The following GCC2 variants were observed in gnomAD, a reference collection of about 807,000 sequenced individuals.
The protein encoded by GCC2 is GRIP and coiled-coil domain-containing protein 2.
GCC2 carries 120 observed loss-of-function variants against 210.6 expected under a neutral mutation model. The observed-to-expected ratio is 0.57, with a 90% CI of 0.49 to 0.66. GCC2 has a LOEUF of 0.66. Among genes scored for constraint, GCC2 ranks in the 30% least tolerant of loss-of-function variants. The probability of loss-of-function intolerance (pLI) is 0.00; values close to 1 mark genes in which losing one functional copy is unlikely to be tolerated. For missense variants in GCC2, 1,868 were observed against 1,871.9 expected, an observed-to-expected ratio of 1.00 and a Z score of 0.04; for synonymous variants, 703 against 652.7, an observed-to-expected ratio of 1.08 and a Z score of -1.17.
intron 7 of GCC2, among the ~76,000 whole-genome samples, chr2:108,474,250 CAT>C (rs1420719193): frequency 6.6e-6 from 1 of 152,036 alleles, no homozygotes; most frequent in South Asian, 2.1e-4. Context: ...TTCATGTAAA[CAT>C]AGAGAAGATA....
At chr2:108,489,667 A>G (rs564539488) in intron 17 of GCC2, among the ~76,000 whole-genome samples, 171 bp from the exon 18 acceptor site, 4 of 125,854 alleles carry the variant, frequency 3.2e-5, no homozygotes, top group Non-Finnish European at 7.1e-5. Context: ...AAATCTGGCT[A>G]TAATATCTTT....
At chr2:108,465,279 A>G (rs1680821291) in intron 4 of GCC2, among the ~76,000 whole-genome samples, 1 of 152,250 alleles carries the variant, frequency 6.6e-6, no homozygotes. Context: ...GGAGGAGGTA[A>G]GTAAGAGATG....
chr2:108,485,600 T>G (rs757657431), intron 13 of GCC2, 36 bp from the exon 14 acceptor site: 1 of 1,090,696 alleles, frequency 9.2e-7, no homozygotes, highest in Non-Finnish European at 1.3e-6. Flanking sequence ...TAAAAATTGT[T>G]ACATCTTTTT....
At chr2:108,484,125 A>C in intron 12 of GCC2, 24 bp from the exon 13 acceptor site, 3 of 1,526,628 alleles carry the variant, frequency 2.0e-6, no homozygotes, top group Non-Finnish European at 2.6e-6. Flanking sequence ...TATTGTGTAA[A>C]TCTTTTACTT....
In GCC2 at chr2:108,509,324, ATTC is replaced by A. The variant is rs1242269628; in HGVS notation, c.*1697_*1699del. 4 of 152,652 alleles carry A rather than the reference ATTC, an allele frequency of 2.6e-5. No individual in the cohort carries two copies. Among genetic ancestry groups the A allele is most frequent in the South Asian group, 2.1e-4 (1 of 4,826 alleles). The allele number at this position is 152,652 out of a possible 1,614,324, so 9.5% of individuals were successfully genotyped here. On this transcript the variant is annotated 3_prime_UTR_variant, in exon 23 of 23. Coordinates refer to ENST00000309863, the MANE Select transcript of GCC2 (RefSeq NM_181453.4). Reference sequence around the variant, plus strand: ...AAATTACTTTGATTACAAAAGGCATATTCTTTCATGGTTTCTGCAATGAGAGGA... The same window carrying A: ...AAATTACTTTGATTACAAAAGGCATATTTCATGGTTTCTGCAATGAGAGGA...
At chr2:108,481,936 A>C (rs1234336823) in intron 10 of GCC2, 120 bp downstream of exon 10, 1 of 667,330 alleles carries the variant, frequency 1.5e-6, no homozygotes, top group Non-Finnish European at 2.4e-6. Context: ...CCCCCACTTT[A>C]CCCTCCTTCC....
intron 22 of GCC2, 147 bp from the exon 23 acceptor site, chr2:108,507,413 C>T (rs1683247598): frequency 8.0e-6 from 3 of 376,032 alleles, no homozygotes; most frequent in Non-Finnish European, 1.5e-5. Flanking sequence ...GAACCCCCCC[C>T]CCCAAAAAAA....
At chr2:108,489,365 A>T in intron 17 of GCC2, among the ~76,000 whole-genome samples, 1 of 152,196 alleles carries the variant, frequency 6.6e-6, no homozygotes, top group East Asian at 1.9e-4. Context: ...AAAATAAAAA[A>T]TTAGCTGAGC....
chr2:108,479,938 C>T lies in GCC2; in HGVS notation c.3061-1759C>T, dbSNP rs572419502. On this transcript the variant is annotated intron_variant, in intron 9 of 22. Transcript: ENST00000309863. ...CGAAGGCTGCAGTAAGCCAAGGTCACGCCACTGCACTCCAGCCTGGCGACA... is the reference window on the plus strand; with the variant it reads ...CGAAGGCTGCAGTAAGCCAAGGTCATGCCACTGCACTCCAGCCTGGCGACA... Among the ~76,000 whole-genome samples the T allele has an allele frequency of 6.1e-5, 9 of 146,400 alleles. No homozygotes were observed. The South Asian group carries it at 1.3e-3, about 21-fold the overall frequency.
intron 14 of GCC2, 26 bp from the exon 15 acceptor site, chr2:108,485,805 A>G: frequency 6.6e-7 from 1 of 1,503,926 alleles, no homozygotes; most frequent in Non-Finnish European, 9.1e-7. Context: ...ATTAAAAAAA[A>G]TTTAACCAAG....
At chr2:108,480,845 C>T (rs554556417) in intron 9 of GCC2, among the ~76,000 whole-genome samples, 256 of 144,544 alleles carry the variant, frequency 1.8e-3, no homozygotes, top group Non-Finnish European at 3.3e-3. Context: ...GTACAACAAA[C>T]CCCTGTGACA....
intron 21 of GCC2, among the ~76,000 whole-genome samples, chr2:108,497,835 G>A (rs2439158): frequency 5.3e-5 from 8 of 152,244 alleles, no homozygotes; most frequent in Middle Eastern, 3.4e-3. Context: ...CTCTACATAC[G>A]TTATTTAATC....
At chr2:108,491,777 A>AT (rs201879710) in intron 18 of GCC2, among the ~76,000 whole-genome samples, 2,952 of 150,128 alleles carry the variant, frequency 0.02, 72 homozygotes, top group African/African-American at 0.061. Flanking sequence ...TTATTTATTT[A>AT]TTTATTTATT....
intron 22 of GCC2, among the ~76,000 whole-genome samples, chr2:108,505,234 T>A (rs1184318717): frequency 6.6e-6 from 1 of 152,250 alleles, no homozygotes; most frequent in African/African-American, 2.4e-5. Context: ...CATTTCAGTT[T>A]AGGGAAATGT....
chr2:108,461,510 T>C (rs759273544), intron 4 of GCC2, among the ~76,000 whole-genome samples: 19 of 152,184 alleles, frequency 1.2e-4, no homozygotes, highest in Non-Finnish European at 1.8e-4. Context: ...TTTTTTGGTT[T>C]TGTTTTGTTT....
intron 19 of GCC2, among the ~76,000 whole-genome samples, chr2:108,493,113 G>A (rs1217077051): frequency 3.3e-5 from 5 of 151,882 alleles, no homozygotes; most frequent in South Asian, 2.1e-4. Flanking sequence ...TTTTTGAGAC[G>A]GAGTCTCGCT....
chr2:108,463,796 G>A (rs1222392718), intron 4 of GCC2, among the ~76,000 whole-genome samples: 1 of 152,118 alleles, frequency 6.6e-6, no homozygotes, highest in African/African-American at 2.4e-5. Context: ...ACAACCCTCT[G>A]GGTCCTAACT....
chr2:108,464,988 C>G (rs1414331871), intron 4 of GCC2, among the ~76,000 whole-genome samples: 3 of 152,166 alleles, frequency 2.0e-5, no homozygotes, highest in Admixed American at 6.5e-5. Context: ...GTGCCACACA[C>G]TTTAAACAAC....
intron 22 of GCC2, among the ~76,000 whole-genome samples, chr2:108,505,138 C>G (rs144884316): frequency 1.1e-3 from 165 of 152,330 alleles, no homozygotes; most frequent in African/African-American, 3.6e-3. Context: ...CAGGGGCCTG[C>G]CAGATCTGAG....
Sources: allele counts gnomAD v4.1 joint callset (sites outside exome capture counted in the v4.1 genomes callset), GRCh38; gene constraint gnomAD v4.1.1; transcripts MANE v1.5; gene names NCBI Gene and HGNC (gene_info 2026-07-23, HGNC 2026-07-21).